RANBP3: variants seen among roughly 807,000 people sequenced by gnomAD.
RANBP3 encodes RAN binding protein 3.
Under a neutral mutation model 77.3 loss-of-function variants are expected in RANBP3, and 14 were observed. The observed-to-expected ratio is 0.18, with a 90% confidence interval of 0.12 to 0.28. The LOEUF is 0.28. RANBP3 is among the 10% of genes least tolerant of loss of function. The pLI is 1.00. For synonymous variants in RANBP3, 315 were observed against 312.4 expected (o/e 1.01, Z -0.09); for missense variants, 586 against 752.3 (o/e 0.78, Z 2.59).
chr19:5,959,379 A>C lies in RANBP3; in HGVS notation c.23-1406T>G, dbSNP rs2058372851. ...GACACCATCCCACTCCTGCAGACGC[A>C]GGACAGACTCTGGTCTTGACCTTGG... On this transcript the variant is annotated intron_variant, in intron 1 of 16. Transcript: ENST00000340578. The surrounding 1 kb of genome is among the most constrained non-coding windows in gnomAD (Gnocchi z 5.1). Among the ~76,000 whole-genome samples, 1 of 152,056 alleles carries C rather than the reference A, an allele frequency of 6.6e-6. No homozygotes were observed. The highest frequency in any genetic ancestry group is 1.5e-5 in the Non-Finnish European group (1 of 67,970).
intron 6 of RANBP3, 45 bp downstream of exon 6, chr19:5,933,369 A>T (rs1245808018): frequency 6.5e-7 from 1 of 1,542,552 alleles, no homozygotes; most frequent in South Asian, 1.2e-5. Flanking sequence ...AGGTCTGAAA[A>T]ACGTCAGAGA....
At chr19:5,961,116 CAGCCAGA>C (rs1331513147) in intron 1 of RANBP3, among the ~76,000 whole-genome samples, 1 of 152,202 alleles carries the variant, frequency 6.6e-6, no homozygotes, top group Admixed American at 6.5e-5. Context: ...CTCCACAGAG[CAGCCAGA>C]AGCACTATCA....
At position 5,921,295 on chromosome 19, in the gene RANBP3, G is replaced by C; in HGVS notation, c.1236C>G (p.Asp412Glu). 6.2e-7 allele frequency: 1 copy of C among 1,613,772 alleles called. No homozygotes were observed. Among genetic ancestry groups the C allele is most frequent in the Non-Finnish European group, 8.5e-7 (1 of 1,179,910 alleles). ...LQMQCKLFVF[D>E]KTSQSWVERG... ...TCTCCACCCAGGACTGTGAGGTCTTGTCAAAGACAAACAGCTTGCACTGCA... is the reference window on the plus strand; with the variant it reads ...TCTCCACCCAGGACTGTGAGGTCTTCTCAAAGACAAACAGCTTGCACTGCA... Residue 412 changes from aspartate (D) to glutamate (E), a missense_variant, in exon 14 of 17, where the codon GAC becomes GAG. Physicochemically the swap from Asp to Glu is conservative, Grantham distance 45. Transcript: ENST00000340578. This position sits in a 1 kb window ranked among gnomAD's most constrained non-coding sequence, Gnocchi z 5.3.
chr19:5,967,424 C>T (rs1380049293), intron 1 of RANBP3, among the ~76,000 whole-genome samples: 1 of 152,210 alleles, frequency 6.6e-6, no homozygotes, highest in Non-Finnish European at 1.5e-5. Context: ...ACACTTCCAA[C>T]AAGCATTGCA....
At chr19:5,950,276 G>A (rs1273992557) in intron 3 of RANBP3, among the ~76,000 whole-genome samples, 1 of 152,138 alleles carries the variant, frequency 6.6e-6, no homozygotes, top group African/African-American at 2.4e-5. Context: ...CGGCTCCCGT[G>A]TCTCACTACC....
In RANBP3 at chr19:5,951,584, G is replaced by GGGGAGCAAGTC; in HGVS notation, c.90_91insGACTTGCTCCC (p.Gln31AspfsTer37). ...TCTCCCGAATCCGACAAGTTTTTTT[G>GGGGAGCAAGTC]CTCTGCAGGGGACTGGGAGCAAAAA... On this transcript the variant is annotated frameshift_variant, in exon 3 of 17. Coordinates refer to ENST00000340578, the MANE Select transcript of RANBP3 (RefSeq NM_007322.3). LOFTEE classifies it high-confidence loss of function. 1 of 1,613,510 alleles carries GGGGAGCAAGTC rather than the reference G, an allele frequency of 6.2e-7. No homozygotes were observed.
In RANBP3 at chr19:5,978,140, T is replaced by G. The variant is rs1270769601; in HGVS notation, c.-58A>C. ...CGCCGGCCCAGGCTCGCCTGCTTTC[T>G]GCCAGAAACTCCCGCGCGTGCGCAC... On this transcript the variant is annotated 5_prime_UTR_variant, in exon 1 of 17. Transcript: ENST00000340578. 3.8e-6 allele frequency: 6 copies of G among 1,582,884 alleles called. No individual in the cohort carries two copies. In the East Asian group the frequency reaches 9.6e-5, roughly 25 times the overall value.
chr19:5,963,879 C>G lies in RANBP3; in HGVS notation c.23-5906G>C, dbSNP rs146664238. Among the ~76,000 whole-genome samples the G allele has an allele frequency of 4.8e-3, 727 of 152,284 alleles. 4 individuals carry two copies. The highest frequency in any genetic ancestry group is 0.017 in the African/African-American group (699 of 41,546). On this transcript the variant is annotated intron_variant, in intron 1 of 16. Coordinates refer to ENST00000340578, the MANE Select transcript of RANBP3 (RefSeq NM_007322.3). ...CCTCGTCCCATCTAGCATCCTCTAC[C>G]CTGCGAACCTCCTCAGCTCACATGC...
intron 8 of RANBP3, chr19:5,928,414 A>G (rs2057941671): frequency 5.4e-6 from 1 of 184,470 alleles, no homozygotes; most frequent in South Asian, 1.7e-4. Flanking sequence ...AAGGAATGAA[A>G]TAATTTACAA....
At chr19:5,951,665 CA>C in intron 2 of RANBP3, 69 bp from the exon 3 acceptor site, 1 of 1,448,768 alleles carries the variant, frequency 6.9e-7, no homozygotes, top group South Asian at 1.2e-5. Flanking sequence ...GAAGGGCGGG[CA>C]GGGGTCAGAG....
In RANBP3 at chr19:5,928,097, A is replaced by G; in HGVS notation, c.694-10T>C. On this transcript the variant is annotated splice_polypyrimidine_tract_variant and intron_variant, in intron 8 of 16. Transcript: ENST00000340578. ...TCTGGGGCTCTTTCTCCTATCAAAA[A>G]CCAAAACAAAACAGAGTAATCAAAA... The G allele has an allele frequency of 6.2e-7, 1 of 1,606,274 alleles. No homozygotes were observed. Among genetic ancestry groups the G allele is most frequent in the Non-Finnish European group, 8.5e-7 (1 of 1,177,680 alleles).
intron 5 of RANBP3, chr19:5,933,813 AG>A: frequency 4.6e-6 from 1 of 216,190 alleles, no homozygotes; most frequent in East Asian, 1.1e-4. Flanking sequence ...CTGGCTCTGG[AG>A]AATGTCAGGG....
At chr19:5,966,355 C>T (rs2058468032) in intron 1 of RANBP3, among the ~76,000 whole-genome samples, 1 of 152,300 alleles carries the variant, frequency 6.6e-6, no homozygotes, top group African/African-American at 2.4e-5. Context: ...CCCGACAAGA[C>T]TGCAATCCTT....
At chr19:5,954,575 C>T (rs2058313539) in intron 2 of RANBP3, among the ~76,000 whole-genome samples, 1 of 151,998 alleles carries the variant, frequency 6.6e-6, no homozygotes, top group South Asian at 2.1e-4. Context: ...TTTGCAGTGT[C>T]ACTCTTTTCC....
At chr19:5,936,230 C>T (rs974776706) in intron 5 of RANBP3, among the ~76,000 whole-genome samples, 14 of 152,332 alleles carry the variant, frequency 9.2e-5, no homozygotes, top group South Asian at 2.1e-4. Context: ...CTCAGCCATG[C>T]GGTGGGCAGG....
At chr19:5,937,827 C>A (rs1210328788) in intron 5 of RANBP3, among the ~76,000 whole-genome samples, 1 of 152,118 alleles carries the variant, frequency 6.6e-6, no homozygotes, top group African/African-American at 2.4e-5. Context: ...GGCCGTTGCT[C>A]ACAGACCTCA....
chr19:5,948,497 C>T (rs373243353), intron 3 of RANBP3, among the ~76,000 whole-genome samples: 23 of 151,872 alleles, frequency 1.5e-4, no homozygotes, highest in African/African-American at 5.1e-4. Context: ...AACTGGCAAC[C>T]AAGCGGTGTA....
Position 5,959,004 on chromosome 19 carries a change from G to C in RANBP3, c.23-1031C>G, listed in dbSNP as rs1225959781. ...TGGGGAGCCAGGCATTACCCAGGAA[G>C]CATGTGCTGCCCATGATCACGACGA... On this transcript the variant is annotated intron_variant, in intron 1 of 16. Coordinates refer to ENST00000340578, the MANE Select transcript of RANBP3 (RefSeq NM_007322.3). The surrounding 1 kb of genome is among the most constrained non-coding windows in gnomAD (Gnocchi z 5.1). Among the ~76,000 whole-genome samples, 1 of 152,248 alleles carries C rather than the reference G, an allele frequency of 6.6e-6. No individual in the cohort carries two copies. Among genetic ancestry groups the C allele is most frequent in the Non-Finnish European group, 1.5e-5 (1 of 68,044 alleles).
Position 5,952,572 on chromosome 19 carries a change from C to G in RANBP3, c.79-976G>C, listed in dbSNP as rs2058288463. Among the ~76,000 whole-genome samples, 1 of 152,226 alleles carries G rather than the reference C, an allele frequency of 6.6e-6. No individual in the cohort carries two copies. The highest frequency in any genetic ancestry group is 2.4e-5 in the African/African-American group (1 of 41,462). On this transcript the variant is annotated intron_variant, in intron 2 of 16. Transcript: ENST00000340578. The surrounding 1 kb of genome is among the most constrained non-coding windows in gnomAD (Gnocchi z 4.1). The stretch of plus-strand genomic sequence containing the variant: ...CTTGGCATCGTCCAACGACATGGAG[C>G]CATTTCTCGCACTCGGTGACCTACA...
Sources: allele counts gnomAD v4.1 joint callset (sites outside exome capture counted in the v4.1 genomes callset), GRCh38; gene constraint gnomAD v4.1.1; non-coding constraint Gnocchi (gnomAD v3.1); transcripts MANE v1.5; gene names NCBI Gene and HGNC (gene_info 2026-07-23, HGNC 2026-07-21).